Variants in RNF170 observed in about 807,000 individuals in gnomAD.
RNF170 encodes the protein ring finger protein 170, also known as E3 ubiquitin-protein ligase RNF170.
In RNF170, 12 loss-of-function variants were observed where a neutral mutation model predicts 32.7. The observed-to-expected ratio is 0.37, with a 90% CI of 0.24 to 0.60. RNF170 has a LOEUF of 0.60. Ranked by LOEUF, RNF170 falls within the 20% of genes least tolerant of loss-of-function variation. RNF170 has a pLI of 0.72. For missense variants in RNF170, 212 were observed against 311.2 expected (o/e 0.68, Z 2.40); for synonymous variants, 91 against 103.6 (o/e 0.88, Z 0.74).
chr8:42,854,983 G>A lies in RNF170; in HGVS notation c.*1176C>T. 7.8e-7 allele frequency: 1 copy of A among 1,287,206 alleles called. No individual in the cohort carries two copies. The highest frequency in any genetic ancestry group is 1.0e-6 in the Non-Finnish European group (1 of 988,696). The allele number at this position is 1,287,206 out of a possible 1,614,324, so 79.7% of individuals were successfully genotyped here. On this transcript the variant is annotated 3_prime_UTR_variant, in exon 7 of 7. Transcript: ENST00000527424. ...TCCAATCTGTTGCTATAGCTAACCA[G>A]TAATTTCTTTTGTCAAATGTAAATA...
At chr8:42,852,500 C>T (rs940265800), downstream of RNF170, among the ~76,000 whole-genome samples, 2 of 152,028 alleles carry the variant, frequency 1.3e-5, no homozygotes, top group Non-Finnish European at 2.9e-5. Context: ...TCACTGCAAC[C>T]TCTGCCTTCC....
chr8:42,891,837 C>T (rs922832456), intron 1 of RNF170, among the ~76,000 whole-genome samples: 24 of 152,342 alleles, frequency 1.6e-4, no homozygotes, highest in African/African-American at 5.1e-4. Flanking sequence ...CACATCAAAG[C>T]TAACATTAGA....
intron 2 of RNF170, among the ~76,000 whole-genome samples, chr8:42,875,398 G>A (rs181836961): frequency 2.2e-4 from 33 of 152,192 alleles, no homozygotes; most frequent in Non-Finnish European, 3.2e-4. Flanking sequence ...TCTCATATCC[G>A]AATGTGATAG....
At chr8:42,853,070 C>T (rs748731692), downstream of RNF170, among the ~76,000 whole-genome samples, 1 of 151,480 alleles carries the variant, frequency 6.6e-6, no homozygotes, top group Non-Finnish European at 1.5e-5. Flanking sequence ...AGGCTGCAGT[C>T]AGCTATGATT....
intron 5 of RNF170, among the ~76,000 whole-genome samples, chr8:42,863,827 G>A (rs936485241): frequency 3.9e-5 from 6 of 152,164 alleles, no homozygotes; most frequent in Admixed American, 3.9e-4. Context: ...TGACCATGTG[G>A]CCACAAGTAA....
In RNF170 at chr8:42,896,492, CGCGAA is replaced by C. The variant is rs1305008978; in HGVS notation, c.-21_-17del. On this transcript the variant is annotated 5_prime_UTR_variant, in exon 1 of 7. Transcript: ENST00000527424. The stretch of plus-strand genomic sequence containing the variant: ...CCGCGCGCCGGACGTACCTCTCCAC[CGCGAA>C]GGAACTACCTCGCCAGTTCCCGGCG... 1.1e-5 allele frequency: 5 copies of C among 453,860 alleles called. No homozygotes were observed. Among genetic ancestry groups the C allele is most frequent in the African/African-American group, 1.0e-4 (5 of 49,976 alleles). The allele number at this position is 453,860 out of a possible 1,614,324, so 28.1% of individuals were successfully genotyped here. A position where few individuals can be genotyped will look rare whatever the true frequency, so the allele number is the denominator to read the frequency against.
intron 4 of RNF170, among the ~76,000 whole-genome samples, chr8:42,866,935 C>A (rs1020330437): frequency 2.0e-5 from 3 of 152,178 alleles, no homozygotes; most frequent in African/African-American, 2.4e-5. Flanking sequence ...TATCCAGGTC[C>A]CACTGTGAAT....
chr8:42,874,408 G>C (rs558213200), intron 2 of RNF170, among the ~76,000 whole-genome samples: 4 of 152,280 alleles, frequency 2.6e-5, no homozygotes, highest in Non-Finnish European at 5.9e-5. Context: ...TCAGGTATTA[G>C]GGGAGGGGAA....
chr8:42,887,742 T>G lies in RNF170; in HGVS notation c.123A>C (p.Val41=), dbSNP rs144944447. ...VVSFALIATL[V]YALFRNVHQN... ...TTAAATCTCACCTGAAAAGTGCATA[T>G]ACCAGGGTAGCAATCAAAGCGAAAC... Residue 41 remains valine, a synonymous_variant, in exon 2 of 7, where the codon GTA becomes GTC. Transcript: ENST00000527424. 1.2e-6 allele frequency: 2 copies of G among 1,614,144 alleles called. No homozygotes were observed. The highest frequency in any genetic ancestry group is 1.6e-4 in the Middle Eastern group (1 of 6,062).
chr8:42,871,083 A>G lies in RNF170; in HGVS notation c.214-971T>C, dbSNP rs780973543. Among the ~76,000 whole-genome samples the G allele has an allele frequency of 2.6e-5, 4 of 151,348 alleles. No homozygotes were observed. The South Asian group carries it at 8.4e-4, about 32-fold the overall frequency. ...AAATTAGCTGGGCATGGTGGCGCAC[A>G]CCTGTAGTCCCAGCTACTCGGGAGG... On this transcript the variant is annotated intron_variant, in intron 3 of 6. Transcript: ENST00000527424.
intron 5 of RNF170, among the ~76,000 whole-genome samples, chr8:42,865,160 G>A (rs886948375): frequency 6.6e-5 from 10 of 151,804 alleles, no homozygotes; most frequent in Non-Finnish European, 1.3e-4. Flanking sequence ...AGGAGGCTAA[G>A]GTGGAAGGAT....
chr8:42,895,406 A>T (rs1052526741), intron 1 of RNF170, among the ~76,000 whole-genome samples: 2 of 152,162 alleles, frequency 1.3e-5, no homozygotes, highest in Non-Finnish European at 2.9e-5. Context: ...AAGTGGGGGA[A>T]AGGGGTTCCA....
chr8:42,854,514 A>G lies in RNF170; in HGVS notation c.*1645T>C, dbSNP rs573460681. ...AAACCTGCTTTAATTATAATGTGCT[A>G]TGTTTAAGCATTATTGTTTTTCTCT... On this transcript the variant is annotated 3_prime_UTR_variant, in exon 7 of 7. Transcript: ENST00000527424. 2.3e-6 allele frequency: 3 copies of G among 1,286,714 alleles called. No individual in the cohort carries two copies. The highest frequency in any genetic ancestry group is 5.5e-5 in the East Asian group (1 of 18,030). The allele number at this position is 1,286,714 out of a possible 1,614,324, so 79.7% of individuals were successfully genotyped here. A position where few individuals can be genotyped will look rare whatever the true frequency, so the allele number is the denominator to read the frequency against.
At chr8:42,891,367 C>CT (rs1391806137) in intron 1 of RNF170, among the ~76,000 whole-genome samples, 6 of 151,854 alleles carry the variant, frequency 4.0e-5, no homozygotes, top group Middle Eastern at 3.2e-3. Flanking sequence ...AAGACTAAGT[C>CT]TTTTTTTTAA....
In RNF170 at chr8:42,896,522, G is replaced by C. The variant is rs763891709; in HGVS notation, c.-46C>G. 16 of 453,956 alleles carry C rather than the reference G, an allele frequency of 3.5e-5. No homozygotes were observed. The highest frequency in any genetic ancestry group is 2.3e-4 in the South Asian group (15 of 64,470). 28.1% of individuals were successfully genotyped at this position (453,956 alleles called of 1,614,324 possible). A position where few individuals can be genotyped will look rare whatever the true frequency, so the allele number is the denominator to read the frequency against. The stretch of plus-strand genomic sequence containing the variant: ...AGGAACTACCTCGCCAGTTCCCGGC[G>C]ACAGAGGACAGATTATTTCCAGGAC... On this transcript the variant is annotated 5_prime_UTR_variant, in exon 1 of 7. Transcript: ENST00000527424.
chr8:42,887,419 A>G (rs1046641617), intron 2 of RNF170, among the ~76,000 whole-genome samples: 1 of 152,238 alleles, frequency 6.6e-6, no homozygotes, highest in African/African-American at 2.4e-5. Flanking sequence ...CTTATCATCT[A>G]TATCACCTAC....
intron 1 of RNF170, among the ~76,000 whole-genome samples, chr8:42,890,471 G>A (rs1376894709): frequency 2.0e-5 from 3 of 151,784 alleles, no homozygotes; most frequent in Admixed American, 2.0e-4. Flanking sequence ...TAGAGATGGG[G>A]TTTCACTGTG....
At chr8:42,875,794 C>G (rs558880848) in intron 2 of RNF170, among the ~76,000 whole-genome samples, 3 of 152,312 alleles carry the variant, frequency 2.0e-5, no homozygotes, top group Non-Finnish European at 4.4e-5. Flanking sequence ...CCAGGCTGGT[C>G]TCGATCCGGA....
At chr8:42,866,270 G>A (rs1476932009) in intron 4 of RNF170, among the ~76,000 whole-genome samples, 17 of 152,062 alleles carry the variant, frequency 1.1e-4, no homozygotes, top group African/African-American at 3.6e-4. Flanking sequence ...GGCCAGGCGC[G>A]GTGGCTCACA....
Sources: allele counts gnomAD v4.1 joint callset (sites outside exome capture counted in the v4.1 genomes callset), GRCh38; gene constraint gnomAD v4.1.1; transcripts MANE v1.5; gene names NCBI Gene and HGNC (gene_info 2026-07-23, HGNC 2026-07-21).